Variants in PRELID2 observed in about 807,000 individuals in gnomAD.
PRELID2 encodes PRELI domain-containing protein 2.
PRELID2 carries 25 observed loss-of-function variants against 28.4 expected under a neutral mutation model. That is an observed-to-expected ratio of 0.88 (90% CI 0.64 to 1.23). PRELID2 has a LOEUF of 1.23. PRELID2 is among the 50% of genes most tolerant of loss of function. PRELID2 has a pLI of 0.00. For synonymous variants in PRELID2, 76 were observed against 71.6 expected (o/e 1.06, Z -0.31); for missense variants, 201 against 214.4 (o/e 0.94, Z 0.39).
chr5:145,529,106 A>AT (rs2126659040), intron 1 of PRELID2, among the ~76,000 whole-genome samples: 1 of 152,310 alleles, frequency 6.6e-6, no homozygotes, highest in Non-Finnish European at 1.5e-5. Context: ...TAACAAATTA[A>AT]TTTGGCATAT....
chr5:145,732,103 TA>T (rs999328196), intron 1 of PRELID2, among the ~76,000 whole-genome samples: 3 of 152,190 alleles, frequency 2.0e-5, no homozygotes, highest in Non-Finnish European at 2.9e-5. Flanking sequence ...GTGTTATATT[TA>T]AATTTTGGGG....
the PRELID2 span, among the ~76,000 whole-genome samples, chr5:145,363,349 T>C: frequency 6.6e-6 from 1 of 152,104 alleles, no homozygotes; most frequent in African/African-American, 2.4e-5. Flanking sequence ...GTTTTTGTCT[T>C]GCTATGGGAT....
the PRELID2 span, among the ~76,000 whole-genome samples, chr5:145,319,798 C>A: frequency 6.6e-6 from 1 of 152,148 alleles, no homozygotes; most frequent in African/African-American, 2.4e-5. Context: ...TTTCTTGAAG[C>A]TGAGCACAAC....
chr5:145,636,136 T>C (rs757507588), intron 1 of PRELID2, among the ~76,000 whole-genome samples: 18 of 152,240 alleles, frequency 1.2e-4, no homozygotes, highest in Admixed American at 2.0e-4. Context: ...CATTCATTAC[T>C]ATGTTTCATC....
chr5:145,383,841 CAT>C, the PRELID2 span, among the ~76,000 whole-genome samples: 3 of 151,896 alleles, frequency 2.0e-5, no homozygotes, highest in Non-Finnish European at 2.9e-5. Context: ...TACACACACA[CAT>C]ACACACACAC....
the PRELID2 span, among the ~76,000 whole-genome samples, chr5:145,290,219 A>G: frequency 6.6e-6 from 1 of 152,172 alleles, no homozygotes; most frequent in African/African-American, 2.4e-5. Flanking sequence ...AGAACTAGAA[A>G]TACCATTTGA....
chr5:145,474,971 G>A (rs1752086317), intron 1 of PRELID2, among the ~76,000 whole-genome samples: 1 of 152,096 alleles, frequency 6.6e-6, no homozygotes, highest in Non-Finnish European at 1.5e-5. Flanking sequence ...TAAGCCAATA[G>A]GTCTGTTATT....
At position 145,732,969 on chromosome 5, in the gene PRELID2, T is replaced by G. The variant is rs11167907; in HGVS notation, n.70+31962A>C. ...ACTAAAAATAAAGGAACACATTATT[T>G]GTATAGGTGTTTTTCAAGGTCAGTC... On this transcript the variant is annotated intron_variant and non_coding_transcript_variant, in intron 1 of 2. Coordinates refer to the PRELID2 transcript ENST00000510259. 9.6e-3 allele frequency among the ~76,000 whole-genome samples: 1,454 copies of G among 151,554 alleles called. 18 individuals are homozygous for G. Among genetic ancestry groups the G allele is most frequent in the African/African-American group, 0.032 (1,337 of 41,322 alleles).
At chr5:145,784,120 A>G (rs1751827681) in intron 5 of PRELID2, among the ~76,000 whole-genome samples, 1 of 152,168 alleles carries the variant, frequency 6.6e-6, no homozygotes, top group African/African-American at 2.4e-5. Context: ...GGTCTTTACT[A>G]AAAATACAAA....
At chr5:145,481,276 T>A (rs1752156783) in intron 1 of PRELID2, among the ~76,000 whole-genome samples, 1 of 152,066 alleles carries the variant, frequency 6.6e-6, no homozygotes, top group African/African-American at 2.4e-5. Context: ...AGTAGCTTTT[T>A]TCCTACCTTT....
chr5:145,464,381 T>C, the PRELID2 span, among the ~76,000 whole-genome samples: 140 of 152,330 alleles, frequency 9.2e-4, no homozygotes, highest in Non-Finnish European at 1.7e-3. Flanking sequence ...AGTTAATTAT[T>C]GATATTAGGA....
intron 4 of PRELID2, among the ~76,000 whole-genome samples, chr5:145,801,136 T>A (rs1753110661): frequency 6.6e-6 from 1 of 152,216 alleles, no homozygotes; most frequent in Admixed American, 6.5e-5. Context: ...TTAAACAATA[T>A]GTATTCCTTT....
chr5:145,787,161 C>G (rs1057103464), intron 5 of PRELID2, among the ~76,000 whole-genome samples: 1 of 152,048 alleles, frequency 6.6e-6, no homozygotes, highest in African/African-American at 2.4e-5. Context: ...CAAAACAAAA[C>G]AAAAAACACG....
At chr5:145,777,474 C>A (rs1758482332) in intron 5 of PRELID2, among the ~76,000 whole-genome samples, 1 of 152,194 alleles carries the variant, frequency 6.6e-6, no homozygotes, top group Non-Finnish European at 1.5e-5. Context: ...CACTCACCAC[C>A]TGTGCGATCT....
chr5:145,242,865 T>A, the PRELID2 span, among the ~76,000 whole-genome samples: 12,683 of 152,030 alleles, frequency 0.083, 1,138 homozygotes, highest in African/African-American at 0.23. Flanking sequence ...AAGTGATTTA[T>A]AGCTTTTAGT....
the PRELID2 span, among the ~76,000 whole-genome samples, chr5:145,359,547 T>G: frequency 2.0e-5 from 3 of 152,236 alleles, no homozygotes; most frequent in Non-Finnish European, 4.4e-5. Flanking sequence ...AGAAATAAGA[T>G]GCAGAATCGA....
chr5:145,269,556 A>G, the PRELID2 span, among the ~76,000 whole-genome samples: 1 of 151,958 alleles, frequency 6.6e-6, no homozygotes, highest in Non-Finnish European at 1.5e-5. Context: ...CAGAATAATT[A>G]ACCTTTGTGC....
chr5:145,808,710 C>T (rs534303865), intron 4 of PRELID2, among the ~76,000 whole-genome samples: 2 of 151,744 alleles, frequency 1.3e-5, no homozygotes, highest in African/African-American at 4.8e-5. Context: ...ACAGTGACAC[C>T]CTGTCTCTAC....
the PRELID2 span, among the ~76,000 whole-genome samples, chr5:145,239,326 T>A: frequency 5.7e-4 from 87 of 152,170 alleles, 1 homozygote; most frequent in East Asian, 0.012. Context: ...TATGAGTGCC[T>A]ACCATGTTCC....
Sources: gnomAD v4.1 joint callset for allele counts (sites outside exome capture counted in the v4.1 genomes callset) on GRCh38, gnomAD v4.1.1 for gene constraint, MANE v1.5 for transcripts, NCBI Gene and HGNC (gene_info 2026-07-23, HGNC 2026-07-21) for gene names.